Variants in KCNT2 observed in about 807,000 individuals in gnomAD.
KCNT2 encodes the protein potassium sodium-activated channel subfamily T member 2.
In KCNT2, 67 loss-of-function variants were observed where a neutral mutation model predicts 153.8. The observed-to-expected ratio is 0.44, with a 90% CI of 0.36 to 0.53. The LOEUF is 0.53. Among genes scored for constraint, KCNT2 ranks in the 20% least tolerant of loss-of-function variants. The pLI, the probability that KCNT2 is intolerant of heterozygous loss-of-function variation, is 0.00. For missense variants in KCNT2, 975 were observed against 1,354.8 expected (o/e 0.72, Z 4.40); for synonymous variants, 500 against 458.8 (o/e 1.09, Z -1.15).
Position 196,463,985 on chromosome 1 carries a change from C to T in KCNT2, c.638+1308G>A, listed in dbSNP as rs1395288534. ...GTCTAAATTTACTTTAAGAGACTCC[C>T]ACATTATATTTAGTAATCATTAATT... On this transcript the variant is annotated intron_variant, in intron 8 of 27. Transcript: ENST00000294725. 2.0e-5 allele frequency among the ~76,000 whole-genome samples: 3 copies of T among 151,922 alleles called. No homozygotes were observed. The South Asian group carries it at 6.2e-4, about 32-fold the overall frequency.
chr1:196,395,630 G>A (rs1345265706), intron 13 of KCNT2, among the ~76,000 whole-genome samples: 1 of 151,474 alleles, frequency 6.6e-6, no homozygotes, highest in East Asian at 2.0e-4. Flanking sequence ...TTAAAGACTT[G>A]AAGAAGCCTG....
At chr1:196,361,411 T>C (rs910769887) in intron 14 of KCNT2, among the ~76,000 whole-genome samples, 4 of 151,872 alleles carry the variant, frequency 2.6e-5, no homozygotes, top group Non-Finnish European at 5.9e-5. Context: ...TGAGAAGCAG[T>C]TGGATCCCAG....
At chr1:196,261,033 TTGTG>T (rs1225561286) in intron 25 of KCNT2, among the ~76,000 whole-genome samples, 2 of 151,254 alleles carry the variant, frequency 1.3e-5, no homozygotes, top group Non-Finnish European at 3.0e-5. Flanking sequence ...GTGTGTGTGT[TTGTG>T]TGTGTGTGTT....
In KCNT2 at chr1:196,285,637, T is replaced by TA; in HGVS notation, c.2697+19dup. 6.9e-7 allele frequency: 1 copy of TA among 1,450,912 alleles called. No homozygotes were observed. The highest frequency in any genetic ancestry group is 1.4e-5 in the African/African-American group (1 of 70,786). 89.9% of individuals were successfully genotyped at this position (1,450,912 alleles called of 1,614,324 possible). On this transcript the variant is annotated intron_variant, in intron 23 of 27. Transcript: ENST00000294725. ...CAGAAAACAACCATTTTAGAGAAAA[T>TA]AAAAAGAAATATTGTATACCTGATA... is the stretch of plus-strand genomic sequence containing the variant.
At chr1:196,333,243 G>A (rs1265067807) in intron 17 of KCNT2, among the ~76,000 whole-genome samples, 6 of 151,888 alleles carry the variant, frequency 4.0e-5, no homozygotes, top group African/African-American at 7.3e-5. Flanking sequence ...AATTTAATAT[G>A]TGGAATAAGA....
chr1:196,465,203 A>C, intron 8 of KCNT2, 90 bp downstream of exon 8: 1 of 680,888 alleles, frequency 1.5e-6, no homozygotes, highest in Non-Finnish European at 2.5e-6. Context: ...TTTATTGACA[A>C]CTATTAATGA....
chr1:196,546,672 T>C (rs1657142541), intron 1 of KCNT2, among the ~76,000 whole-genome samples: 1 of 152,034 alleles, frequency 6.6e-6, no homozygotes, highest in South Asian at 2.1e-4. Flanking sequence ...ACAAAACCTA[T>C]TCTACTGTGG....
chr1:196,564,005 C>A (rs1276968186), intron 1 of KCNT2, among the ~76,000 whole-genome samples: 1 of 151,766 alleles, frequency 6.6e-6, no homozygotes, highest in East Asian at 1.9e-4. Context: ...TAAGTTCTAG[C>A]CAAAGCAATT....
intron 1 of KCNT2, among the ~76,000 whole-genome samples, chr1:196,517,661 G>A (rs914036210): frequency 1.3e-5 from 2 of 152,216 alleles, no homozygotes; most frequent in South Asian, 2.1e-4. Context: ...ACAAGCTGAG[G>A]AAAGAATCTT....
At chr1:196,253,865 A>T (rs923160224) in intron 26 of KCNT2, among the ~76,000 whole-genome samples, 1 of 151,534 alleles carries the variant, frequency 6.6e-6, no homozygotes, top group Admixed American at 6.6e-5. Flanking sequence ...AAAAAATTTT[A>T]TTTGATTCAA....
At chr1:196,328,056 A>C (rs1234301019) in intron 18 of KCNT2, among the ~76,000 whole-genome samples, 1 of 152,194 alleles carries the variant, frequency 6.6e-6, no homozygotes, top group African/African-American at 2.4e-5. Context: ...CACAAAGACT[A>C]CGAATTTTGT....
intron 12 of KCNT2, among the ~76,000 whole-genome samples, chr1:196,411,839 T>C (rs1672364951): frequency 6.6e-6 from 1 of 151,824 alleles, no homozygotes; most frequent in Admixed American, 6.6e-5. Flanking sequence ...CCTGAAATTG[T>C]GGATATTACC....
chr1:196,571,974 A>G (rs1476782790), intron 1 of KCNT2, among the ~76,000 whole-genome samples: 1 of 152,114 alleles, frequency 6.6e-6, no homozygotes, highest in African/African-American at 2.4e-5. Flanking sequence ...AAAAGTAAGA[A>G]GCAGGACCTG....
chr1:196,363,648 C>T (rs1032198289), intron 14 of KCNT2, among the ~76,000 whole-genome samples: 1 of 152,092 alleles, frequency 6.6e-6, no homozygotes, highest in African/African-American at 2.4e-5. Context: ...CTCATTAGCT[C>T]CCTTTACACA....
chr1:196,382,080 C>CTT (rs1669541407), intron 13 of KCNT2, among the ~76,000 whole-genome samples: 2 of 56,188 alleles, frequency 3.6e-5, no homozygotes, highest in East Asian at 1.3e-3. Flanking sequence ...AATGTTTAAC[C>CTT]AAATTTATTT....
intron 1 of KCNT2, among the ~76,000 whole-genome samples, chr1:196,579,177 T>A (rs1661722456): frequency 6.6e-6 from 1 of 152,036 alleles, no homozygotes; most frequent in African/African-American, 2.4e-5. Context: ...TTATTTTCCT[T>A]TTTCCCCCAT....
chr1:196,347,034 G>A (rs942988141), intron 14 of KCNT2, among the ~76,000 whole-genome samples: 2 of 152,148 alleles, frequency 1.3e-5, no homozygotes, highest in Non-Finnish European at 2.9e-5. Context: ...GATCTTGCCA[G>A]CATGGGTAGA....
At chr1:196,502,417 G>C (rs1680777992) in intron 1 of KCNT2, among the ~76,000 whole-genome samples, 1 of 152,108 alleles carries the variant, frequency 6.6e-6, no homozygotes, top group Admixed American at 6.5e-5. Flanking sequence ...TTTGGAAAGG[G>C]AACTGAGCTA....
intron 22 of KCNT2, among the ~76,000 whole-genome samples, chr1:196,293,474 G>C (rs1411256358): frequency 4.6e-5 from 7 of 152,106 alleles, no homozygotes; most frequent in Admixed American, 3.3e-4. Flanking sequence ...CAATAGAACA[G>C]GATAAAGAGC....
Sources: gnomAD v4.1 joint callset for allele counts (sites outside exome capture counted in the v4.1 genomes callset) on GRCh38, gnomAD v4.1.1 for gene constraint, MANE v1.5 for transcripts, NCBI Gene and HGNC (gene_info 2026-07-23, HGNC 2026-07-21) for gene names.